The following CDH19 variants were observed in gnomAD, a reference collection of about 807,000 sequenced individuals.
The protein encoded by CDH19 is cadherin 19.
CDH19 carries 67 observed loss-of-function variants against 64.2 expected under a neutral mutation model. The ratio of observed to expected loss-of-function variants is 1.04; its 90% CI spans 0.86 to 1.28. The LOEUF is 1.28. CDH19 is among the 50% of genes most tolerant of loss of function. The pLI, the probability that CDH19 is intolerant of heterozygous loss-of-function variation, is 0.00. For synonymous variants in CDH19, 346 were observed against 319.3 expected, an observed-to-expected ratio of 1.08 and a Z score of -0.89; for missense variants, 1,030 against 929.0, an observed-to-expected ratio of 1.11 and a Z score of -1.41.
intron 1 of CDH19, among the ~76,000 whole-genome samples, chr18:66,588,340 C>T (rs1406465480): frequency 1.3e-5 from 2 of 151,968 alleles, no homozygotes; most frequent in Non-Finnish European, 2.9e-5. Flanking sequence ...TAAACGAATA[C>T]AAATTATTGT....
At chr18:66,580,521 G>A (rs934255018) in intron 1 of CDH19, among the ~76,000 whole-genome samples, 16 of 152,166 alleles carry the variant, frequency 1.1e-4, no homozygotes, top group African/African-American at 3.9e-4. Flanking sequence ...TAATTACAAT[G>A]ATTGAAATAA....
chr18:66,566,336 C>T (rs910089176), intron 3 of CDH19, among the ~76,000 whole-genome samples: 1 of 130,894 alleles, frequency 7.6e-6, no homozygotes, highest in Admixed American at 8.2e-5. Context: ...TTTTACTTTG[C>T]TTCAAATAAT....
chr18:66,505,980 G>T (rs1034664129), intron 11 of CDH19, among the ~76,000 whole-genome samples: 1 of 151,898 alleles, frequency 6.6e-6, no homozygotes, highest in Non-Finnish European at 1.5e-5. Context: ...AGATACAATG[G>T]AATACTGTTC....
intron 1 of CDH19, among the ~76,000 whole-genome samples, chr18:66,594,557 G>T (rs1338600172): frequency 6.6e-6 from 1 of 151,812 alleles, no homozygotes; most frequent in Admixed American, 6.6e-5. Context: ...AAAGTCATAC[G>T]AATCACAGTC....
chr18:66,589,006 T>C (rs981645115), intron 1 of CDH19, among the ~76,000 whole-genome samples: 2 of 151,800 alleles, frequency 1.3e-5, no homozygotes, highest in Non-Finnish European at 2.9e-5. Flanking sequence ...TAAAAATCTT[T>C]AAAGGTTGAT....
At chr18:66,571,692 T>A (rs1988108305) in intron 2 of CDH19, among the ~76,000 whole-genome samples, 1 of 151,668 alleles carries the variant, frequency 6.6e-6, no homozygotes, top group Non-Finnish European at 1.5e-5. Context: ...ATACTGTTGG[T>A]AAATGATATT....
Position 66,544,856 on chromosome 18 carries a change from T to G in CDH19, c.823A>C (p.Ile275Leu), listed in dbSNP as rs753005271. The G allele has an allele frequency of 5.0e-6, 8 of 1,612,652 alleles. 1 individual carries two copies. The Admixed American group carries it at 6.7e-5, about 13-fold the overall frequency. ...VSESAPTGTSIGTIMAYDNDI... is the reference protein window; with the variant it reads ...VSESAPTGTSLGTIMAYDNDI... ...TTATCATATGCCATGATTGTTCCTATAGAAGTCCCAGTGGGTGCAGATTCA... is the reference window on the plus strand; with the variant it reads ...TTATCATATGCCATGATTGTTCCTAGAGAAGTCCCAGTGGGTGCAGATTCA... The change falls in exon 6 of 12, where the codon ATA (isoleucine) becomes CTA (leucine). Residue 275 changes from isoleucine to leucine, a missense_variant. By Grantham distance (5) the Ile-to-Leu change is conservative. Transcript: ENST00000262150.
Position 66,511,666 on chromosome 18 carries a change from G to A in CDH19, c.1478C>T (p.Ala493Val). The A allele has an allele frequency of 1.3e-6, 2 of 1,548,814 alleles. No homozygotes were observed. The highest frequency in any genetic ancestry group is 8.9e-7 in the Non-Finnish European group (1 of 1,124,776). The stretch of plus-strand genomic sequence containing the variant: ...TTCTATGGATTCATCTCTATCCACT[G>A]CACTGATAGTCTGAATTACCTAAAA... ...GSGQVIQTIS[A>V]VDRDESIEEH... The change falls in exon 10 of 12, where the codon GCA becomes GTA. Residue 493 changes from alanine to valine, a missense_variant. Transcript: ENST00000262150.
At chr18:66,598,875 G>C (rs1333350028) in intron 1 of CDH19, among the ~76,000 whole-genome samples, 1 of 151,738 alleles carries the variant, frequency 6.6e-6, no homozygotes, top group Non-Finnish European at 1.5e-5. Context: ...ATAAAATATA[G>C]AATACTAAAA....
rs1985134237 is a variant in CDH19, at chr18:66,505,239, C to T, written c.1892G>A (p.Ser631Asn). 1 of 1,601,022 alleles carries T rather than the reference C, an allele frequency of 6.2e-7. No individual in the cohort carries two copies. The highest frequency in any genetic ancestry group is 1.8e-5 in the Admixed American group (1 of 56,350). Residue 631 changes from serine to asparagine, a missense_variant, in exon 12 of 12, where the codon AGT (serine) becomes AAT (asparagine). Transcript: ENST00000262150. ...RRKQILFPEK[S>N]EDFRENIFQY... ...GAATATATTCTCTCTGAAATCTTCACTTTTCTCAGGAAATAGAATCTGTTT... is the reference window on the plus strand; with the variant it reads ...GAATATATTCTCTCTGAAATCTTCATTTTTCTCAGGAAATAGAATCTGTTT...
chr18:66,546,283 A>G (rs1026033364), intron 5 of CDH19, among the ~76,000 whole-genome samples: 10 of 152,166 alleles, frequency 6.6e-5, no homozygotes, highest in African/African-American at 2.4e-4. Flanking sequence ...TTTAGAGCAG[A>G]AGTTGAAGAC....
intron 1 of CDH19, among the ~76,000 whole-genome samples, chr18:66,594,884 T>A (rs539221400): frequency 6.9e-6 from 1 of 144,486 alleles, no homozygotes; most frequent in Non-Finnish European, 1.5e-5. Flanking sequence ...AGGGATAGCA[T>A]TGGGAGATAT....
intron 8 of CDH19, among the ~76,000 whole-genome samples, chr18:66,534,570 G>C (rs1222237217): frequency 6.6e-6 from 1 of 151,780 alleles, no homozygotes; most frequent in Non-Finnish European, 1.5e-5. Flanking sequence ...ATTTTATATT[G>C]TGTTATATTT....
Position 66,509,229 on chromosome 18 carries a change from A to G in CDH19, c.1594T>C (p.Leu532=), listed in dbSNP as rs1985352832. The change falls in exon 11 of 12, where the codon TTG becomes CTG. Residue 532 remains leucine, a synonymous_variant. Transcript: ENST00000262150. The stretch of plus-strand genomic sequence containing the variant: ...AGGTTAAAACCAGTTCTATTAGTCA[A>G]AATGACAGCTGTGTTATCTAAAACA... ...IDNQDNTAVI[L]TNRTGFNLQE... The G allele has an allele frequency of 2.5e-6, 4 of 1,612,242 alleles. No homozygotes were observed. The highest frequency in any genetic ancestry group is 3.4e-6 in the Non-Finnish European group (4 of 1,178,968).
intron 6 of CDH19, 50 bp from the exon 7 acceptor site, chr18:66,544,274 A>G: frequency 6.5e-7 from 1 of 1,542,462 alleles, no homozygotes; most frequent in Non-Finnish European, 8.7e-7. Flanking sequence ...GTAACCCAAG[A>G]TACTATTTAG....
chr18:66,598,537 T>C (rs1447963710), intron 1 of CDH19, among the ~76,000 whole-genome samples: 1 of 151,976 alleles, frequency 6.6e-6, no homozygotes, highest in Non-Finnish European at 1.5e-5. Flanking sequence ...TTTGCCCCAA[T>C]AGGATGGAAC....
chr18:66,600,437 CA>C (rs1184400307), intron 1 of CDH19, among the ~76,000 whole-genome samples: 6 of 151,470 alleles, frequency 4.0e-5, no homozygotes, highest in South Asian at 4.2e-4. Flanking sequence ...TTTTTATGCA[CA>C]AAAAAATCTC....
At chr18:66,529,230 C>CA (rs1986339050) in intron 9 of CDH19, among the ~76,000 whole-genome samples, 1 of 151,350 alleles carries the variant, frequency 6.6e-6, no homozygotes. Flanking sequence ...TGTTGCTATA[C>CA]CTGGTATAGC....
intron 3 of CDH19, among the ~76,000 whole-genome samples, chr18:66,565,316 G>A (rs1028372610): frequency 1.3e-4 from 20 of 151,946 alleles, no homozygotes; most frequent in African/African-American, 3.6e-4. Flanking sequence ...TAAGCAACAA[G>A]TTAATAATTT....
Sources: allele counts gnomAD v4.1 joint callset (sites outside exome capture counted in the v4.1 genomes callset), GRCh38; gene constraint gnomAD v4.1.1; transcripts MANE v1.5; gene names NCBI Gene and HGNC (gene_info 2026-07-23, HGNC 2026-07-21).